Variants in NREP observed in about 807,000 individuals in gnomAD.
NREP encodes neuronal regeneration related protein.
Under a neutral mutation model 8.6 loss-of-function variants are expected in NREP, and 5 were observed. That is an observed-to-expected ratio of 0.58 (90% CI 0.30 to 1.22). NREP has a LOEUF of 1.22. Ranked by LOEUF, NREP falls within the 50% of genes most tolerant of loss-of-function variation. The pLI, the probability that NREP is intolerant of heterozygous loss-of-function variation, is 0.07. For synonymous variants in NREP, 27 were observed against 28.0 expected, an observed-to-expected ratio of 0.96 and a Z score of 0.11; for missense variants, 86 against 82.5, an observed-to-expected ratio of 1.04 and a Z score of -0.17.
intron 2 of NREP, among the ~76,000 whole-genome samples, chr5:111,839,507 A>G (rs1405871062): frequency 6.6e-6 from 1 of 152,092 alleles, no homozygotes; most frequent in Non-Finnish European, 1.5e-5. Context: ...GTCAGGTTAC[A>G]GTATGTTCTT....
In NREP at chr5:111,772,788, A is replaced by G. The variant is rs142850151; in HGVS notation, c.136-37281T>C. Among the ~76,000 whole-genome samples the G allele has an allele frequency of 6.6e-3, 1,006 of 152,304 alleles. 7 individuals carry two copies. The highest frequency in any genetic ancestry group is 0.023 in the African/African-American group (968 of 41,578). On this transcript the variant is annotated intron_variant, in intron 2 of 3. Coordinates refer to the NREP transcript ENST00000395634. ...GAAAGATGTTGTTTTCCTGAAGTGT[A>G]TCTTTTCATTAATCTTCTTTATTAT...
intron 2 of NREP, among the ~76,000 whole-genome samples, chr5:111,926,923 G>A (rs1278255341): frequency 6.6e-6 from 1 of 151,352 alleles, no homozygotes; most frequent in Non-Finnish European, 1.5e-5. Context: ...GGAGGAGTGG[G>A]TCAGGCAGGA....
At chr5:111,750,710 G>A (rs761099688) in intron 2 of NREP, among the ~76,000 whole-genome samples, 58 of 152,330 alleles carry the variant, frequency 3.8e-4, no homozygotes, top group African/African-American at 1.3e-3. Flanking sequence ...ACTGAACTAA[G>A]TGAAGGCTAG....
chr5:111,775,573 A>T (rs1751338683), intron 2 of NREP, among the ~76,000 whole-genome samples: 2 of 152,174 alleles, frequency 1.3e-5, no homozygotes. Context: ...GGGAATATGC[A>T]TTAGAGCAGG....
chr5:111,866,932 G>T (rs1205371238), intron 2 of NREP, among the ~76,000 whole-genome samples: 2 of 151,744 alleles, frequency 1.3e-5, no homozygotes, highest in African/African-American at 4.8e-5. Context: ...ACTCATAGGT[G>T]GGAATTGAAC....
chr5:111,871,968 T>TA (rs1753801712), intron 2 of NREP, among the ~76,000 whole-genome samples: 1 of 150,048 alleles, frequency 6.7e-6, no homozygotes, highest in Admixed American at 6.7e-5. Flanking sequence ...TATGTGTGCT[T>TA]ACCATATATA....
intron 2 of NREP, among the ~76,000 whole-genome samples, chr5:111,803,204 T>C (rs1029050913): frequency 1.3e-5 from 2 of 152,194 alleles, no homozygotes; most frequent in Non-Finnish European, 2.9e-5. Flanking sequence ...AGGGATTCTA[T>C]TTTATAAAAT....
chr5:111,876,973 T>A (rs1753925242), intron 2 of NREP, among the ~76,000 whole-genome samples: 1 of 152,228 alleles, frequency 6.6e-6, no homozygotes, highest in African/African-American at 2.4e-5. Context: ...CTTGATCATA[T>A]GCTAAGTTGC....
rs376241536 is a variant in NREP, at chr5:111,837,973, TAATC to T, written c.136-102470_136-102467del. Among the ~76,000 whole-genome samples, 100 of 152,184 alleles carry T rather than the reference TAATC, an allele frequency of 6.6e-4. No individual in the cohort carries two copies. The South Asian group carries it at 0.02, about 31-fold the overall frequency. ...CCATCTACAATGCAATTTTGCTAAT[TAATC>T]TAATTAAACCTTTAGAGTCTATTTT... On this transcript the variant is annotated intron_variant, in intron 2 of 3. Transcript: ENST00000395634.
Position 111,910,404 on chromosome 5 carries a change from G to A in NREP, c.135+64870C>T, listed in dbSNP as rs117636843. ...ACAGCACAGAGGGTCAATGTGTGGC[G>A]ACAAATTGGCTGCTATCTTTTTTGG... On this transcript the variant is annotated intron_variant, in intron 2 of 3. Coordinates refer to the NREP transcript ENST00000395634. 2.7e-3 allele frequency among the ~76,000 whole-genome samples: 414 copies of A among 151,998 alleles called. 1 individual carries two copies. Among genetic ancestry groups the A allele is most frequent in the East Asian group, 9.3e-3 (48 of 5,160 alleles).
intron 2 of NREP, among the ~76,000 whole-genome samples, chr5:111,850,072 T>C (rs761734140): frequency 2.0e-5 from 3 of 152,192 alleles, no homozygotes; most frequent in Non-Finnish European, 1.5e-5. Flanking sequence ...ACTGTCTTTA[T>C]GTCATTTGAC....
chr5:111,839,477 T>A (rs1460096411), intron 2 of NREP, among the ~76,000 whole-genome samples: 2 of 152,152 alleles, frequency 1.3e-5, no homozygotes, highest in Non-Finnish European at 2.9e-5. Context: ...TATTGTTTTC[T>A]TAAGAGTGCA....
At chr5:111,975,193 A>T in intron 2 of NREP, 4 of 911,302 alleles carry the variant, frequency 4.4e-6, no homozygotes, top group Non-Finnish European at 7.0e-6. Context: ...CAGTTCAGGA[A>T]TCACTTGGTT....
At chr5:111,846,536 C>T (rs888626774) in intron 2 of NREP, 2 of 147,528 alleles carry the variant, frequency 1.4e-5, no homozygotes, top group Admixed American at 6.9e-5. Context: ...TTGGGCTCTT[C>T]CTTTACTGCT....
intron 2 of NREP, among the ~76,000 whole-genome samples, chr5:111,881,656 C>T (rs1164008807): frequency 6.6e-6 from 1 of 152,174 alleles, no homozygotes; most frequent in Non-Finnish European, 1.5e-5. Flanking sequence ...GATCAGACAG[C>T]AGCATTTGCG....
At chr5:111,920,939 A>G (rs963800318) in intron 2 of NREP, among the ~76,000 whole-genome samples, 3 of 152,170 alleles carry the variant, frequency 2.0e-5, no homozygotes, top group Admixed American at 2.0e-4. Context: ...ATGTTTGTAC[A>G]TCACACAGGA....
intron 2 of NREP, among the ~76,000 whole-genome samples, chr5:111,879,047 T>TA (rs1362261669): frequency 6.6e-6 from 1 of 152,174 alleles, no homozygotes; most frequent in East Asian, 1.9e-4. Flanking sequence ...GGGGGCAAAT[T>TA]ATCTCATGAA....
chr5:111,872,700 G>C (rs1443671647), intron 2 of NREP, among the ~76,000 whole-genome samples: 4 of 152,006 alleles, frequency 2.6e-5, no homozygotes, highest in African/African-American at 9.7e-5. Context: ...CTAATTTATA[G>C]GTTTACAAAC....
At chr5:111,917,284 A>C (rs577173081) in intron 2 of NREP, among the ~76,000 whole-genome samples, 1 of 152,202 alleles carries the variant, frequency 6.6e-6, no homozygotes, top group South Asian at 2.1e-4. Flanking sequence ...AGAGGTACAA[A>C]GAATAGCTGG....
Sources: gnomAD v4.1 joint callset for allele counts (sites outside exome capture counted in the v4.1 genomes callset) on GRCh38, gnomAD v4.1.1 for gene constraint, MANE v1.5 for transcripts, NCBI Gene and HGNC (gene_info 2026-07-23, HGNC 2026-07-21) for gene names.